ASAH2: variants seen among roughly 807,000 people sequenced by gnomAD.
ASAH2 encodes the protein N-acylsphingosine amidohydrolase 2, also known as neutral ceramidase.
A neutral mutation model predicts 82.9 loss-of-function variants in ASAH2; 58 were observed. The ratio of observed to expected loss-of-function variants is 0.70; its 90% CI spans 0.57 to 0.87. ASAH2 has a LOEUF of 0.87. ASAH2 is among the 40% of genes least tolerant of loss of function. The pLI, the probability that ASAH2 is intolerant of heterozygous loss-of-function variation, is 0.00. For synonymous variants in ASAH2, 276 were observed against 289.7 expected (o/e 0.95, Z 0.48); for missense variants, 779 against 834.0 (o/e 0.93, Z 0.81).
chr10:50,228,185 A>G (rs1288097759), intron 7 of ASAH2, among the ~76,000 whole-genome samples: 1 of 152,226 alleles, frequency 6.6e-6, no homozygotes, highest in Admixed American at 6.5e-5. Flanking sequence ...AAAGCAATAA[A>G]TAAAATAAAC....
chr10:50,236,835 G>A (rs1846172614), intron 4 of ASAH2, among the ~76,000 whole-genome samples: 2 of 152,090 alleles, frequency 1.3e-5, no homozygotes, highest in South Asian at 4.1e-4. Flanking sequence ...TCTAACTAGA[G>A]AACCAGTACT....
Position 50,199,151 on chromosome 10 carries a change from A to G in ASAH2, c.1762-5T>C. 2 of 1,613,098 alleles carry G rather than the reference A, an allele frequency of 1.2e-6. No homozygotes were observed. The highest frequency in any genetic ancestry group is 1.7e-6 in the Non-Finnish European group (2 of 1,179,284). ...TGCTGCCTCATATCGCTGAGCCTGC[A>G]GGAAAGGCAGGGAGAGTTGTATATG... On this transcript the variant is annotated splice_region_variant and splice_polypyrimidine_tract_variant and intron_variant, in intron 16 of 20. Transcript: ENST00000682911.
chr10:50,207,417 C>A (rs1845328490), intron 12 of ASAH2, among the ~76,000 whole-genome samples: 1 of 151,246 alleles, frequency 6.6e-6, no homozygotes, highest in African/African-American at 2.4e-5. Flanking sequence ...ACAAAATTGG[C>A]AAAACTTTAG....
chr10:50,213,139 G>T (rs1389976780), intron 9 of ASAH2, 81 bp from the exon 10 acceptor site: 5 of 1,268,454 alleles, frequency 3.9e-6, no homozygotes, highest in South Asian at 1.2e-5. Flanking sequence ...CTGAATCTAA[G>T]CAAATAGATT....
chr10:50,221,116 G>A (rs536255544), intron 7 of ASAH2, among the ~76,000 whole-genome samples: 1 of 152,274 alleles, frequency 6.6e-6, no homozygotes, highest in East Asian at 1.9e-4. Context: ...TTGGGCTGAA[G>A]ATATTCTAAG....
chr10:50,217,479 G>A (rs1027368134), intron 8 of ASAH2, among the ~76,000 whole-genome samples: 13 of 151,926 alleles, frequency 8.6e-5, no homozygotes, highest in Admixed American at 4.6e-4. Flanking sequence ...CACCCACCTC[G>A]GCCTCCCAAA....
chr10:50,233,209 T>G lies in ASAH2; in HGVS notation c.868A>C (p.Asn290His), dbSNP rs1846061094. ...CTGATAAGGCCCAAGTCATCTCCAT[T>G]CAAATCTACCATTTTCAAAACTATC... Reference protein sequence around the residue: ...EMIVLKMVDLNGDDLGLISWF... With the variant: ...EMIVLKMVDLHGDDLGLISWF... The change falls in exon 7 of 21, where the codon AAT becomes CAT. Residue 290 changes from asparagine to histidine, a missense_variant. Around this residue, in one of 3 missense-constraint regions of ASAH2, gnomAD observed 759 missense variants for 755.2 expected, o/e 1.00. Transcript: ENST00000682911. The G allele has an allele frequency of 3.7e-6, 6 of 1,611,868 alleles. No individual in the cohort carries two copies. The South Asian group carries it at 6.6e-5, about 18-fold the overall frequency.
chr10:50,232,125 G>A (rs1247421962), intron 7 of ASAH2, among the ~76,000 whole-genome samples: 3 of 152,070 alleles, frequency 2.0e-5, no homozygotes, highest in Non-Finnish European at 4.4e-5. Flanking sequence ...TAGTTTTAGG[G>A]CCAACTGTGG....
chr10:50,232,629 C>T (rs1846048134), intron 7 of ASAH2, among the ~76,000 whole-genome samples: 1 of 152,110 alleles, frequency 6.6e-6, no homozygotes. Flanking sequence ...GCTGTCACTC[C>T]CAGATAATTG....
chr10:50,226,663 G>A (rs1845892955), intron 7 of ASAH2, among the ~76,000 whole-genome samples: 9 of 151,948 alleles, frequency 5.9e-5, no homozygotes, highest in Admixed American at 5.9e-4. Context: ...GGAAATCTCT[G>A]TACTTCCTGC....
chr10:50,251,203 C>T (rs530187693), intron 1 of ASAH2, among the ~76,000 whole-genome samples, 192 bp downstream of exon 1: 11 of 152,292 alleles, frequency 7.2e-5, no homozygotes, highest in African/African-American at 1.9e-4. Flanking sequence ...AATAGCAAGC[C>T]GTTTGCCACA....
chr10:50,216,911 TAGTAAG>T (rs1367781182), intron 8 of ASAH2, among the ~76,000 whole-genome samples: 4 of 152,070 alleles, frequency 2.6e-5, no homozygotes, highest in African/African-American at 9.7e-5. Flanking sequence ...AGTGAGAAAA[TAGTAAG>T]AGTGAGTTTT....
intron 7 of ASAH2, among the ~76,000 whole-genome samples, chr10:50,228,059 C>T (rs1233451926): frequency 2.0e-5 from 3 of 152,166 alleles, no homozygotes; most frequent in African/African-American, 2.4e-5. Context: ...CACAGTGGCT[C>T]AGGCCTGTGA....
In ASAH2 at chr10:50,243,197, C is replaced by A; in HGVS notation, c.510+5G>T. Reference sequence around the variant, plus strand: ...TTCATTCATTTCTCCTCTCAAATCACTTACCTCCAGCCTGAGCCTTTGTGA... The same window carrying A: ...TTCATTCATTTCTCCTCTCAAATCAATTACCTCCAGCCTGAGCCTTTGTGA... On this transcript the variant is annotated splice_donor_5th_base_variant and intron_variant, in intron 4 of 20. Transcript: ENST00000682911. 2 of 1,613,314 alleles carry A rather than the reference C, an allele frequency of 1.2e-6. No individual in the cohort carries two copies. The highest frequency in any genetic ancestry group is 1.7e-6 in the Non-Finnish European group (2 of 1,179,746).
intron 10 of ASAH2, among the ~76,000 whole-genome samples, chr10:50,211,400 CA>C (rs1845450728): frequency 2.0e-5 from 3 of 152,112 alleles, no homozygotes; most frequent in African/African-American, 7.2e-5. Context: ...GGCTGTGGCA[CA>C]AAAGGCCTCA....
At chr10:50,215,345 T>G (rs896252322) in intron 8 of ASAH2, among the ~76,000 whole-genome samples, 1 of 151,836 alleles carries the variant, frequency 6.6e-6, no homozygotes, top group Admixed American at 6.6e-5. Flanking sequence ...GCTATTGCTT[T>G]TGGTGTTTTA....
intron 5 of ASAH2, among the ~76,000 whole-genome samples, chr10:50,235,136 T>C (rs561115576): frequency 3.1e-4 from 47 of 152,292 alleles, no homozygotes; most frequent in Admixed American, 3.9e-4. Context: ...TTTTATGTAA[T>C]GTTTTTTGCA....
At chr10:50,229,657 C>T (rs1314680209) in intron 7 of ASAH2, among the ~76,000 whole-genome samples, 1 of 152,066 alleles carries the variant, frequency 6.6e-6, no homozygotes, top group Non-Finnish European at 1.5e-5. Flanking sequence ...CTTGCAACAC[C>T]CTGCCCTGTT....
intron 7 of ASAH2, among the ~76,000 whole-genome samples, chr10:50,225,347 G>A (rs1845850461): frequency 6.6e-6 from 1 of 152,156 alleles, no homozygotes; most frequent in Admixed American, 6.5e-5. Flanking sequence ...ACCCCCAGGA[G>A]GCAGAGGTTG....
Sources: allele counts gnomAD v4.1 joint callset (sites outside exome capture counted in the v4.1 genomes callset), GRCh38; gene constraint gnomAD v4.1.1; regional missense constraint gnomAD v4.1.1; transcripts MANE v1.5; gene names NCBI Gene and HGNC (gene_info 2026-07-23, HGNC 2026-07-21).